The following TAFA5 variants were observed in gnomAD, a reference collection of about 807,000 sequenced individuals.
The protein encoded by TAFA5 is chemokine-like protein TAFA-5.
A neutral mutation model predicts 15.3 loss-of-function variants in TAFA5; 6 were observed. The observed-to-expected ratio is 0.39, with a 90% confidence interval of 0.21 to 0.77. TAFA5 has a LOEUF of 0.77. Among genes scored for constraint, TAFA5 ranks in the 30% least tolerant of loss-of-function variants. The probability of loss-of-function intolerance (pLI) is 0.41; values close to 1 mark genes in which losing one functional copy is unlikely to be tolerated. For synonymous variants in TAFA5, 103 were observed against 80.7 expected (o/e 1.28, Z -1.48); for missense variants, 161 against 193.1 (o/e 0.83, Z 0.98).
intron 1 of TAFA5, among the ~76,000 whole-genome samples, chr22:48,605,500 A>G (rs945592184): frequency 2.9e-5 from 4 of 139,628 alleles, no homozygotes; most frequent in African/African-American, 1.1e-4. Flanking sequence ...TGGTGATGGT[A>G]ATGGCAACGA....
rs1329884435 is a variant in TAFA5 at position 48,566,145 on chromosome 22, G to A, written c.112+76441G>A. Among the ~76,000 whole-genome samples, 2 of 151,688 alleles carry A rather than the reference G, an allele frequency of 1.3e-5. No individual in the cohort carries two copies. Among genetic ancestry groups the A allele is most frequent in the African/African-American group, 4.8e-5 (2 of 41,256 alleles). ...GATGGATGGATGATGAATGGATGAT[G>A]GGTGGACAATGAATGGATGGTGATG... On this transcript the variant is annotated intron_variant, in intron 1 of 3. Coordinates refer to ENST00000402357, the MANE Select transcript of TAFA5 (RefSeq NM_001082967.3). This position sits in a 1 kb window ranked among gnomAD's most constrained non-coding sequence, Gnocchi z 4.5.
At chr22:48,683,317 C>A (rs941281595) in intron 2 of TAFA5, among the ~76,000 whole-genome samples, 10 of 152,236 alleles carry the variant, frequency 6.6e-5, no homozygotes, top group African/African-American at 1.4e-4. Context: ...TAGCTTAACG[C>A]CATAAGCTAA....
At chr22:48,610,862 C>G (rs1344452445) in intron 1 of TAFA5, among the ~76,000 whole-genome samples, 2 of 152,110 alleles carry the variant, frequency 1.3e-5, no homozygotes, top group African/African-American at 4.8e-5. Context: ...TGGTGGGACA[C>G]GAGAGGCATC....
intron 2 of TAFA5, among the ~76,000 whole-genome samples, chr22:48,705,218 C>T (rs1929041376): frequency 6.6e-6 from 1 of 152,078 alleles, no homozygotes; most frequent in African/African-American, 2.4e-5. Flanking sequence ...GCCTGCCTCC[C>T]TGGCTGTGGG....
chr22:48,594,877 ATTTTTT>A (rs376412437), intron 1 of TAFA5, among the ~76,000 whole-genome samples: 1 of 143,580 alleles, frequency 7.0e-6, no homozygotes, highest in Non-Finnish European at 1.5e-5. Flanking sequence ...TCCTGAGCAC[ATTTTTT>A]TTTTTTTTTT....
At chr22:48,642,940 C>T (rs967988930) in intron 1 of TAFA5, among the ~76,000 whole-genome samples, 6 of 152,172 alleles carry the variant, frequency 3.9e-5, no homozygotes, top group Admixed American at 3.3e-4. Context: ...GCTGCCCTGG[C>T]CCTGTCAGTA....
At chr22:48,626,994 T>C (rs1286699427) in intron 1 of TAFA5, among the ~76,000 whole-genome samples, 2 of 152,158 alleles carry the variant, frequency 1.3e-5, no homozygotes, top group Non-Finnish European at 2.9e-5. Flanking sequence ...GTGGGCTCCG[T>C]GGATGTTGGA....
chr22:48,593,649 G>A (rs546044175), intron 1 of TAFA5, among the ~76,000 whole-genome samples: 1 of 152,300 alleles, frequency 6.6e-6, no homozygotes, highest in Non-Finnish European at 1.5e-5. Context: ...TGCAGCTCCT[G>A]TTGGGCGCCT....
chr22:48,745,932 C>T (rs537642656), intron 3 of TAFA5, among the ~76,000 whole-genome samples: 3 of 152,282 alleles, frequency 2.0e-5, no homozygotes, highest in East Asian at 3.9e-4. Context: ...TGAGCTCCTG[C>T]GTGAGAGCGG....
At chr22:48,692,995 C>T (rs369330148) in intron 2 of TAFA5, among the ~76,000 whole-genome samples, 56 of 152,326 alleles carry the variant, frequency 3.7e-4, no homozygotes, top group African/African-American at 1.2e-3. Context: ...AAGAACTCCG[C>T]GAGCCCGTGC....
chr22:48,646,103 C>T (rs1189599796), intron 1 of TAFA5, among the ~76,000 whole-genome samples: 1 of 152,152 alleles, frequency 6.6e-6, no homozygotes, highest in East Asian at 1.9e-4. Context: ...TGGCTGGTTC[C>T]ACACAACTTT....
intron 1 of TAFA5, among the ~76,000 whole-genome samples, chr22:48,629,358 C>T (rs898398851): frequency 1.3e-5 from 2 of 152,196 alleles, no homozygotes; most frequent in African/African-American, 4.8e-5. Context: ...GGCCTCGGCA[C>T]CCCGGGGCTT....
At chr22:48,624,791 C>T (rs1301481878) in intron 1 of TAFA5, among the ~76,000 whole-genome samples, 1 of 152,156 alleles carries the variant, frequency 6.6e-6, no homozygotes, top group African/African-American at 2.4e-5. Context: ...TCTTTCATCA[C>T]AGAGTACTAT....
At chr22:48,516,923 A>G (rs535685767) in intron 1 of TAFA5, among the ~76,000 whole-genome samples, 13 of 152,344 alleles carry the variant, frequency 8.5e-5, no homozygotes, top group Admixed American at 7.8e-4. Context: ...CTGCCCTTAC[A>G]GACTTTCAAA....
chr22:48,549,658 C>T (rs933209666), intron 1 of TAFA5, among the ~76,000 whole-genome samples: 15 of 152,340 alleles, frequency 9.8e-5, no homozygotes, highest in African/African-American at 3.6e-4. Flanking sequence ...TTGGAGATGA[C>T]TGCCCCTGAT....
intron 1 of TAFA5, among the ~76,000 whole-genome samples, chr22:48,575,241 C>T (rs1169179056): frequency 4.6e-5 from 7 of 152,144 alleles, no homozygotes; most frequent in Non-Finnish European, 1.0e-4. Flanking sequence ...GGCCCCTGCG[C>T]ACCTAGGTGG....
At chr22:48,551,660 G>A (rs1465925934) in intron 1 of TAFA5, among the ~76,000 whole-genome samples, 1 of 152,130 alleles carries the variant, frequency 6.6e-6, no homozygotes, top group Non-Finnish European at 1.5e-5. Context: ...GTCCTAAGGG[G>A]GGCAGGGTTC....
At chr22:48,494,559 A>G (rs1928261990) in intron 1 of TAFA5, among the ~76,000 whole-genome samples, 1 of 152,184 alleles carries the variant, frequency 6.6e-6, no homozygotes, top group South Asian at 2.1e-4. Context: ...CAGGGGGCCC[A>G]TAGCGTCTGG....
intron 1 of TAFA5, among the ~76,000 whole-genome samples, chr22:48,572,588 C>T (rs1257543295): frequency 6.6e-6 from 1 of 152,172 alleles, no homozygotes; most frequent in Non-Finnish European, 1.5e-5. Context: ...TTTTTCACTC[C>T]AGAAGCAGGT....
Sources: gnomAD v4.1 joint callset for allele counts (sites outside exome capture counted in the v4.1 genomes callset) on GRCh38, gnomAD v4.1.1 for gene constraint, Gnocchi (gnomAD v3.1) non-coding constraint, MANE v1.5 for transcripts, NCBI Gene and HGNC (gene_info 2026-07-23, HGNC 2026-07-21) for gene names.